The following SCFD2 variants were observed in gnomAD, a reference collection of about 807,000 sequenced individuals.
SCFD2 encodes the protein sec1 family domain-containing protein 2.
A neutral mutation model predicts 58.9 loss-of-function variants in SCFD2; 54 were observed. That is an observed-to-expected ratio of 0.92 (90% confidence interval 0.74 to 1.15). The LOEUF (loss-of-function observed/expected upper bound fraction) is 1.15, where lower values mean the gene tolerates loss of function less well. Among genes scored for constraint, SCFD2 ranks in the 50% most tolerant of loss-of-function variants. The probability of loss-of-function intolerance (pLI) is 0.00; values close to 1 mark genes in which losing one functional copy is unlikely to be tolerated. For missense variants in SCFD2, 805 were observed against 836.6 expected (o/e 0.96, Z 0.47); for synonymous variants, 321 against 335.9 (o/e 0.96, Z 0.49).
At chr4:53,118,147 T>C (rs752687292) in intron 5 of SCFD2, among the ~76,000 whole-genome samples, 7 of 152,280 alleles carry the variant, frequency 4.6e-5, no homozygotes, top group Non-Finnish European at 5.9e-5. Flanking sequence ...AAATGTGAGA[T>C]GGACACAAAC....
intron 5 of SCFD2, among the ~76,000 whole-genome samples, chr4:52,958,725 A>G (rs1173295478): frequency 6.6e-6 from 1 of 152,174 alleles, no homozygotes. Flanking sequence ...GCTAGAGCAG[A>G]GGACAGGTGT....
chr4:53,253,616 A>G (rs1730482319), intron 4 of SCFD2, among the ~76,000 whole-genome samples: 1 of 151,890 alleles, frequency 6.6e-6, no homozygotes, highest in African/African-American at 2.4e-5. Context: ...GGAAATCATC[A>G]TTCTCAGTAA....
At chr4:53,022,346 T>C (rs542667942) in intron 5 of SCFD2, among the ~76,000 whole-genome samples, 67 of 152,244 alleles carry the variant, frequency 4.4e-4, no homozygotes, top group Admixed American at 1.4e-3. Flanking sequence ...ATATGCCTGA[T>C]CCCCCATCTA....
At chr4:53,351,991 G>T (rs1456977649) in intron 2 of SCFD2, among the ~76,000 whole-genome samples, 1 of 151,984 alleles carries the variant, frequency 6.6e-6, no homozygotes, top group African/African-American at 2.4e-5. Flanking sequence ...TCAAACAAGA[G>T]TAATTCCCAA....
chr4:52,974,541 C>T (rs1721199444), intron 5 of SCFD2, among the ~76,000 whole-genome samples: 1 of 152,184 alleles, frequency 6.6e-6, no homozygotes, highest in Admixed American at 6.5e-5. Flanking sequence ...AATGGAAGAA[C>T]AGTCCATGCT....
chr4:52,974,976 G>A lies in SCFD2; in HGVS notation c.1562-54106C>T, dbSNP rs560177319. ...AAAACTGGCTGGCCATATGTAGAGA[G>A]CTGAAACTAGATCCCTTCCTTACAC... On this transcript the variant is annotated intron_variant, in intron 5 of 8. Coordinates refer to ENST00000401642, the MANE Select transcript of SCFD2 (RefSeq NM_152540.4). Among the ~76,000 whole-genome samples the A allele has an allele frequency of 2.0e-5, 3 of 152,286 alleles. No individual in the cohort carries two copies. In the East Asian group the frequency reaches 5.8e-4, roughly 29 times the overall value.
intron 5 of SCFD2, among the ~76,000 whole-genome samples, chr4:52,974,249 A>T (rs1444411349): frequency 1.3e-5 from 2 of 152,224 alleles, no homozygotes; most frequent in Non-Finnish European, 2.9e-5. Context: ...TGCAGATGAC[A>T]TGATTGTATA....
intron 3 of SCFD2, among the ~76,000 whole-genome samples, chr4:53,286,800 C>T (rs1731681846): frequency 6.6e-6 from 1 of 152,270 alleles, no homozygotes; most frequent in East Asian, 1.9e-4. Context: ...CTTCTCCCTG[C>T]ACCCTGAAAC....
intron 7 of SCFD2, among the ~76,000 whole-genome samples, chr4:52,896,873 A>C (rs28786135): frequency 6.6e-6 from 1 of 152,228 alleles, no homozygotes; most frequent in East Asian, 1.9e-4. Context: ...AAGAGGTCCT[A>C]AACGTCCCTT....
chr4:52,873,970 C>T lies in SCFD2; in HGVS notation c.2054G>A (p.Ter685=), dbSNP rs1311631348. 2.5e-6 allele frequency: 4 copies of T among 1,610,536 alleles called. No homozygotes were observed. Among genetic ancestry groups the T allele is most frequent in the Non-Finnish European group, 3.4e-6 (4 of 1,177,024 alleles). Residue 685 remains the stop codon, a stop_retained_variant, in exon 9 of 9, where the codon TGA becomes TAA. Transcript: ENST00000401642. ...TDRLHPDLGF[*] Reference sequence around the variant, plus strand: ...AGGTCTTATCTTCTTAGCGGATGCTCAGAAGCCAAGGTCTGGATGCAGTCG... The same window carrying T: ...AGGTCTTATCTTCTTAGCGGATGCTTAGAAGCCAAGGTCTGGATGCAGTCG...
At chr4:53,070,188 A>C (rs1560322369) in intron 5 of SCFD2, among the ~76,000 whole-genome samples, 1 of 152,086 alleles carries the variant, frequency 6.6e-6, no homozygotes, top group Non-Finnish European at 1.5e-5. Context: ...AAAATGTCTA[A>C]AAACAGCTTG....
chr4:53,301,768 T>C (rs1312975613), intron 3 of SCFD2, among the ~76,000 whole-genome samples: 1 of 152,168 alleles, frequency 6.6e-6, no homozygotes, highest in East Asian at 1.9e-4. Context: ...CAAGTGGGCT[T>C]CATCCCTGGG....
chr4:53,135,056 A>T (rs1224892987), intron 5 of SCFD2, among the ~76,000 whole-genome samples: 2 of 152,216 alleles, frequency 1.3e-5, no homozygotes, highest in Admixed American at 6.5e-5. Context: ...AAGCCAGATT[A>T]AAATGTAAAC....
chr4:53,146,809 T>G (rs1214382063), intron 4 of SCFD2, among the ~76,000 whole-genome samples: 12 of 152,184 alleles, frequency 7.9e-5, no homozygotes, highest in African/African-American at 2.9e-4. Context: ...CTGTTCTAAT[T>G]TTTATTAGTT....
intron 4 of SCFD2, among the ~76,000 whole-genome samples, chr4:53,166,832 CAAA>C (rs34996788): frequency 2.1e-4 from 25 of 118,780 alleles, no homozygotes; most frequent in Admixed American, 2.4e-4. Flanking sequence ...AAATGCCCAC[CAAA>C]AAAAAAAAAA....
At chr4:53,032,904 A>C (rs1722654818) in intron 5 of SCFD2, among the ~76,000 whole-genome samples, 1 of 152,208 alleles carries the variant, frequency 6.6e-6, no homozygotes, top group Non-Finnish European at 1.5e-5. Context: ...TATTAGACAG[A>C]TCAATGAGAC....
chr4:53,293,002 G>A lies in SCFD2; in HGVS notation c.1136-19001C>T, dbSNP rs540377930. Among the ~76,000 whole-genome samples, 56 of 149,924 alleles carry A rather than the reference G, an allele frequency of 3.7e-4. 1 individual carries two copies. The South Asian group carries it at 8.5e-3, about 23-fold the overall frequency. On this transcript the variant is annotated intron_variant, in intron 3 of 8. Transcript: ENST00000401642. Reference sequence around the variant, plus strand: ...GTATACCTATGTAACAAACCTGCACGTTCTGCACATGTATCCCAGAACTTA... The same window carrying A: ...GTATACCTATGTAACAAACCTGCACATTCTGCACATGTATCCCAGAACTTA...
At chr4:53,306,205 G>A (rs1200991158) in intron 3 of SCFD2, among the ~76,000 whole-genome samples, 25 of 152,128 alleles carry the variant, frequency 1.6e-4, no homozygotes, top group Admixed American at 1.6e-3. Context: ...TATTTATTTT[G>A]GAGTGGAGTG....
At chr4:53,055,274 A>T (rs192160499) in intron 5 of SCFD2, among the ~76,000 whole-genome samples, 2 of 152,264 alleles carry the variant, frequency 1.3e-5, no homozygotes, top group African/African-American at 4.8e-5. Flanking sequence ...CTCAGCTCAG[A>T]TTTTAATCCA....
Sources: gnomAD v4.1 joint callset for allele counts (sites outside exome capture counted in the v4.1 genomes callset) on GRCh38, gnomAD v4.1.1 for gene constraint, MANE v1.5 for transcripts, NCBI Gene and HGNC (gene_info 2026-07-23, HGNC 2026-07-21) for gene names.